Variants in VTI1A observed in about 807,000 individuals in gnomAD.
The protein encoded by VTI1A is vesicle transport through interaction with t-SNAREs homolog 1A.
Under a neutral mutation model 34.9 loss-of-function variants are expected in VTI1A, and 22 were observed. The ratio of observed to expected loss-of-function variants is 0.63; its 90% CI spans 0.45 to 0.90. The LOEUF (loss-of-function observed/expected upper bound fraction) is 0.90, where lower values mean the gene tolerates loss of function less well. VTI1A is among the 40% of genes least tolerant of loss of function. The pLI, the probability that VTI1A is intolerant of heterozygous loss-of-function variation, is 0.00. For missense variants in VTI1A, 268 were observed against 275.6 expected (o/e 0.97, Z 0.20); for synonymous variants, 87 against 97.3 (o/e 0.89, Z 0.62).
At chr10:112,750,033 A>G (rs1305423272) in intron 7 of VTI1A, among the ~76,000 whole-genome samples, 3 of 152,238 alleles carry the variant, frequency 2.0e-5, no homozygotes, top group Non-Finnish European at 2.9e-5. Flanking sequence ...AAACAGGGAC[A>G]AGCTTCAGGT....
At chr10:112,808,927 A>G (rs1427658989) in intron 7 of VTI1A, among the ~76,000 whole-genome samples, 1 of 152,210 alleles carries the variant, frequency 6.6e-6, no homozygotes, top group East Asian at 1.9e-4. Context: ...TAAAGACAGT[A>G]TCTTTTTCTT....
chr10:112,734,878 C>G (rs1161840802), intron 7 of VTI1A, among the ~76,000 whole-genome samples: 1 of 151,952 alleles, frequency 6.6e-6, no homozygotes, highest in African/African-American at 2.4e-5. Context: ...GTGATCCGCC[C>G]ATCTCGGCCT....
rs570658869 is a variant in VTI1A at position 112,487,220 on chromosome 10, T to C, written c.264+22563T>C. Among the ~76,000 whole-genome samples the C allele has an allele frequency of 2.6e-5, 4 of 152,116 alleles. No individual in the cohort carries two copies. The South Asian group carries it at 6.2e-4, about 24-fold the overall frequency. On this transcript the variant is annotated intron_variant, in intron 3 of 7. Transcript: ENST00000393077. Reference sequence around the variant, plus strand: ...CTCACTGCAGCCTCCATCTCCCCGGTTCGAGTGATTCTCCTGCCTCAGCCT... The same window carrying C: ...CTCACTGCAGCCTCCATCTCCCCGGCTCGAGTGATTCTCCTGCCTCAGCCT...
At chr10:112,447,118 T>C, upstream of VTI1A, 1 of 502,468 alleles carries the variant, frequency 2.0e-6, no homozygotes, top group South Asian at 2.5e-5. Context: ...GAGGCACTAA[T>C]TGGGGCGCTT....
At chr10:112,544,705 A>G (rs921938497) in intron 5 of VTI1A, among the ~76,000 whole-genome samples, 5 of 152,194 alleles carry the variant, frequency 3.3e-5, no homozygotes, top group African/African-American at 1.2e-4. Context: ...AACCCTGTAA[A>G]CTGAGCCTTG....
intron 3 of VTI1A, among the ~76,000 whole-genome samples, chr10:112,467,610 G>A (rs1258314200): frequency 6.6e-6 from 1 of 152,212 alleles, no homozygotes; most frequent in African/African-American, 2.4e-5. Context: ...AACAATTCAT[G>A]TATTTATATG....
At chr10:112,668,760 A>C (rs981838481) in intron 6 of VTI1A, among the ~76,000 whole-genome samples, 177 bp from the exon 7 acceptor site, 29 of 152,276 alleles carry the variant, frequency 1.9e-4, no homozygotes, top group African/African-American at 7.0e-4. Flanking sequence ...CTCACGTGTC[A>C]TTCTCCAAAT....
At chr10:112,612,773 T>C (rs185601064) in intron 5 of VTI1A, among the ~76,000 whole-genome samples, 1 of 152,354 alleles carries the variant, frequency 6.6e-6, no homozygotes, top group Admixed American at 6.5e-5. Context: ...CTATAAAATA[T>C]AAATTTCTTG....
chr10:112,772,463 T>A (rs925082538), intron 7 of VTI1A, among the ~76,000 whole-genome samples: 1 of 152,362 alleles, frequency 6.6e-6, no homozygotes, highest in South Asian at 2.1e-4. Flanking sequence ...GTATATACGA[T>A]CTGCAAACAT....
chr10:112,690,458 G>A (rs1364020391), intron 7 of VTI1A, among the ~76,000 whole-genome samples: 2 of 152,082 alleles, frequency 1.3e-5, no homozygotes, highest in African/African-American at 2.4e-5. Flanking sequence ...GGGCCACATG[G>A]CCTCCAGCTC....
At chr10:112,711,970 G>T (rs1332360336) in intron 7 of VTI1A, among the ~76,000 whole-genome samples, 1 of 152,176 alleles carries the variant, frequency 6.6e-6, no homozygotes, top group African/African-American at 2.4e-5. Context: ...TAGTCTCAGG[G>T]AAGTAGAAAT....
intron 5 of VTI1A, among the ~76,000 whole-genome samples, chr10:112,640,813 G>A (rs17129940): frequency 0.021 from 3,173 of 152,228 alleles, 101 homozygotes; most frequent in African/African-American, 0.073. Context: ...GTATAAGAGA[G>A]GAGTAGCCCT....
chr10:112,616,167 A>G (rs1399998592), intron 5 of VTI1A, among the ~76,000 whole-genome samples: 1 of 152,242 alleles, frequency 6.6e-6, no homozygotes, highest in Non-Finnish European at 1.5e-5. Flanking sequence ...AGTGGGTTGA[A>G]ATGAGAATAG....
At chr10:112,652,818 A>T (rs1472629630) in intron 5 of VTI1A, among the ~76,000 whole-genome samples, 3 of 152,018 alleles carry the variant, frequency 2.0e-5, no homozygotes, top group Admixed American at 6.6e-5. Context: ...TAGGAGGCAG[A>T]CCATGATGTG....
At chr10:112,828,025 AC>A in the VTI1A span, among the ~76,000 whole-genome samples, 1 of 152,122 alleles carries the variant, frequency 6.6e-6, no homozygotes, top group Non-Finnish European at 1.5e-5. Context: ...TGATCTCCTC[AC>A]TGAGCCTCAG....
At chr10:112,619,762 C>T (rs1218638646) in intron 5 of VTI1A, among the ~76,000 whole-genome samples, 1 of 151,996 alleles carries the variant, frequency 6.6e-6, no homozygotes, top group Non-Finnish European at 1.5e-5. Flanking sequence ...ATAAAATGTA[C>T]ATGGATCTTT....
the VTI1A span, among the ~76,000 whole-genome samples, chr10:112,847,497 G>T: frequency 5.9e-5 from 9 of 152,132 alleles, no homozygotes; most frequent in South Asian, 6.2e-4. Flanking sequence ...GCAAGAATGG[G>T]AATCAAATTT....
intron 5 of VTI1A, among the ~76,000 whole-genome samples, chr10:112,571,393 T>G (rs1852112445): frequency 6.6e-6 from 1 of 152,110 alleles, no homozygotes; most frequent in South Asian, 2.1e-4. Context: ...AAGAAAAAAC[T>G]CACAACAAAA....
chr10:112,577,227 T>C (rs1375583122), intron 5 of VTI1A, among the ~76,000 whole-genome samples: 13 of 152,318 alleles, frequency 8.5e-5, no homozygotes, highest in Admixed American at 8.5e-4. Flanking sequence ...CCTGATTACC[T>C]GTACTATCAC....
Sources: allele counts gnomAD v4.1 joint callset (sites outside exome capture counted in the v4.1 genomes callset), GRCh38; gene constraint gnomAD v4.1.1; transcripts MANE v1.5; gene names NCBI Gene and HGNC (gene_info 2026-07-23, HGNC 2026-07-21).